Variants in SBF2 observed in about 807,000 individuals in gnomAD.
SBF2 encodes SET binding factor 2.
SBF2 carries 112 observed loss-of-function variants against 225.2 expected under a neutral mutation model. The ratio of observed to expected loss-of-function variants is 0.50; its 90% CI spans 0.43 to 0.58. The LOEUF (loss-of-function observed/expected upper bound fraction) is 0.58, where lower values mean the gene tolerates loss of function less well. SBF2 is among the 20% of genes least tolerant of loss of function. SBF2 has a pLI of 0.00. For synonymous variants in SBF2, 763 were observed against 773.3 expected (o/e 0.99, Z 0.22); for missense variants, 1,996 against 2,206.2 (o/e 0.90, Z 1.91).
intron 32 of SBF2, among the ~76,000 whole-genome samples, chr11:9,802,344 T>C (rs1405583061): frequency 6.6e-6 from 1 of 152,222 alleles, no homozygotes; most frequent in Non-Finnish European, 1.5e-5. Context: ...TATAATTCAT[T>C]TGACACCTGG....
intron 27 of SBF2, chr11:9,829,814 T>A (rs1855280927): frequency 2.9e-6 from 1 of 343,158 alleles, no homozygotes; most frequent in Admixed American, 4.2e-5. Context: ...AGGGCATAGC[T>A]TCTCATTATC....
At chr11:10,192,594 T>C (rs1957217093) in intron 2 of SBF2, among the ~76,000 whole-genome samples, 1 of 152,232 alleles carries the variant, frequency 6.6e-6, no homozygotes, top group African/African-American at 2.4e-5. Context: ...AATCATTTTA[T>C]GTGTATTTTT....
rs544398350 is a variant in SBF2, at chr11:10,273,525, T to A, written c.55+20490A>T. ...AGAAAATATAAAGCTTATTTAGCTG[T>A]GCTTTGATTTGTGTATGAATGTTAT... On this transcript the variant is annotated intron_variant, in intron 1 of 39. Coordinates refer to ENST00000256190, the MANE Select transcript of SBF2 (RefSeq NM_030962.4). Among the ~76,000 whole-genome samples the A allele has an allele frequency of 2.0e-5, 3 of 152,362 alleles. No individual in the cohort carries two copies. The South Asian group carries it at 6.2e-4, about 32-fold the overall frequency.
intron 2 of SBF2, among the ~76,000 whole-genome samples, chr11:10,125,981 C>A (rs1456883689): frequency 1.3e-5 from 2 of 152,168 alleles, no homozygotes; most frequent in Non-Finnish European, 2.9e-5. Context: ...CTTCTCATTG[C>A]ATCATATTGG....
In SBF2 at chr11:9,828,328, T is replaced by C. The variant is rs531651890; in HGVS notation, c.3793+1028A>G. ...TAGCATGTTTAACTGCTGCCAAACA[T>C]TGTACTTTTAAGTACCCAAAGCTTT... is the stretch of plus-strand genomic sequence containing the variant. On this transcript the variant is annotated intron_variant, in intron 28 of 39. Coordinates refer to ENST00000256190, the MANE Select transcript of SBF2 (RefSeq NM_030962.4). 13 of 1,203,814 alleles carry C rather than the reference T, an allele frequency of 1.1e-5. No individual in the cohort carries two copies. In the African/African-American group the frequency reaches 1.3e-4, roughly 12 times the overall value. The allele number at this position is 1,203,814 out of a possible 1,614,324, so 74.6% of individuals were successfully genotyped here.
At chr11:9,984,594 A>G (rs1947112274) in intron 13 of SBF2, among the ~76,000 whole-genome samples, 1 of 152,218 alleles carries the variant, frequency 6.6e-6, no homozygotes, top group Admixed American at 6.5e-5. Context: ...CTGGAAATTC[A>G]TTGCAAAAAG....
intron 16 of SBF2, among the ~76,000 whole-genome samples, chr11:9,920,374 G>T (rs1427675960): frequency 6.6e-6 from 1 of 152,100 alleles, no homozygotes; most frequent in Non-Finnish European, 1.5e-5. Flanking sequence ...CCAAGTTCCT[G>T]ATACAGAGAA....
intron 16 of SBF2, among the ~76,000 whole-genome samples, chr11:9,919,052 T>C (rs1863363233): frequency 6.6e-6 from 1 of 152,134 alleles, no homozygotes; most frequent in Admixed American, 6.5e-5. Flanking sequence ...TTTTTTATTT[T>C]TTAATCCTCT....
At chr11:10,179,207 G>A (rs1956615195) in intron 2 of SBF2, among the ~76,000 whole-genome samples, 1 of 151,216 alleles carries the variant, frequency 6.6e-6, no homozygotes, top group Non-Finnish European at 1.5e-5. Flanking sequence ...GGTGGGGGGA[G>A]GCGGGAGGGA....
Position 9,807,776 on chromosome 11 carries a change from G to A in SBF2, c.4443+224C>T, listed in dbSNP as rs17353206. The A allele has an allele frequency of 5.1e-5, 30 of 583,380 alleles. No individual in the cohort carries two copies. The Admixed American group carries it at 6.1e-4, about 12-fold the overall frequency. 36.1% of individuals were successfully genotyped at this position (583,380 alleles called of 1,614,324 possible). A position where few individuals can be genotyped will look rare whatever the true frequency, so the allele number is the denominator to read the frequency against. On this transcript the variant is annotated intron_variant, in intron 32 of 39. Transcript: ENST00000256190. Reference sequence around the variant, plus strand: ...TTAGAGTGCTGGCTACTTCACTTGGGGCAAGCCCAACAGCCAGCTTAGCTG... The same window carrying A: ...TTAGAGTGCTGGCTACTTCACTTGGAGCAAGCCCAACAGCCAGCTTAGCTG...
intron 1 of SBF2, among the ~76,000 whole-genome samples, chr11:10,289,521 G>A (rs1964027091): frequency 1.3e-5 from 2 of 152,060 alleles, no homozygotes; most frequent in Non-Finnish European, 2.9e-5. Flanking sequence ...ACATCTCTAC[G>A]AGCTCCCCCT....
intron 2 of SBF2, among the ~76,000 whole-genome samples, chr11:10,092,715 C>T (rs910946720): frequency 2.8e-4 from 43 of 152,140 alleles, no homozygotes; most frequent in African/African-American, 9.4e-4. Context: ...AGAGAACATC[C>T]ATTAATGCTA....
At chr11:10,213,857 AT>A (rs1437083856) in intron 1 of SBF2, among the ~76,000 whole-genome samples, 3 of 152,202 alleles carry the variant, frequency 2.0e-5, no homozygotes, top group Non-Finnish European at 4.4e-5. Context: ...CTCTTTCCCA[AT>A]CAATAACTCA....
intron 2 of SBF2, among the ~76,000 whole-genome samples, chr11:10,161,721 C>T (rs1370966408): frequency 6.6e-6 from 1 of 151,598 alleles, no homozygotes; most frequent in Non-Finnish European, 1.5e-5. Flanking sequence ...CGTGGTGGCT[C>T]ACGCCAGTAA....
At chr11:9,832,467 G>C (rs369945257) in intron 26 of SBF2, 47 bp from the exon 27 acceptor site, 71 of 1,407,416 alleles carry the variant, frequency 5.0e-5, no homozygotes, top group Non-Finnish European at 6.8e-5. Flanking sequence ...GGAAGGAACA[G>C]AGGGGAAGAA....
intron 1 of SBF2, among the ~76,000 whole-genome samples, chr11:10,250,944 T>G (rs1438243422): frequency 6.6e-6 from 1 of 152,234 alleles, no homozygotes; most frequent in Non-Finnish European, 1.5e-5. Context: ...GCATCCTTAA[T>G]GTGAACAGCT....
intron 1 of SBF2, among the ~76,000 whole-genome samples, chr11:10,232,054 A>G (rs1265618540): frequency 6.6e-6 from 1 of 152,202 alleles, no homozygotes; most frequent in Non-Finnish European, 1.5e-5. Context: ...GTTTGATCTC[A>G]GACTGCTGTG....
chr11:10,200,037 AGG>A (rs1447969515), intron 1 of SBF2, among the ~76,000 whole-genome samples: 2 of 152,224 alleles, frequency 1.3e-5, no homozygotes, highest in Non-Finnish European at 2.9e-5. Context: ...TGGGAGGCTA[AGG>A]CAGGAAGACT....
At chr11:9,815,162 G>A (rs551813238) in intron 29 of SBF2, among the ~76,000 whole-genome samples, 21 of 151,894 alleles carry the variant, frequency 1.4e-4, no homozygotes, top group East Asian at 5.8e-4. Context: ...ATACTTGTCC[G>A]GGTGTAGTGG....
Sources: gnomAD v4.1 joint callset for allele counts (sites outside exome capture counted in the v4.1 genomes callset) on GRCh38, gnomAD v4.1.1 for gene constraint, MANE v1.5 for transcripts, NCBI Gene and HGNC (gene_info 2026-07-23, HGNC 2026-07-21) for gene names.